GAS6: variants seen among roughly 807,000 people sequenced by gnomAD.
The protein encoded by GAS6 is growth arrest-specific protein 6.
Under a neutral mutation model 75.8 loss-of-function variants are expected in GAS6, and 41 were observed. The ratio of observed to expected loss-of-function variants is 0.54; its 90% confidence interval spans 0.42 to 0.70. The LOEUF (loss-of-function observed/expected upper bound fraction) is 0.70, where lower values mean the gene tolerates loss of function less well. GAS6 is among the 30% of genes least tolerant of loss of function. The probability of loss-of-function intolerance (pLI) is 0.00; values close to 1 mark genes in which losing one functional copy is unlikely to be tolerated. For missense variants in GAS6, 854 were observed against 940.2 expected (o/e 0.91, Z 1.20); for synonymous variants, 432 against 412.6 (o/e 1.05, Z -0.57).
intron 2 of GAS6, among the ~76,000 whole-genome samples, chr13:113,855,258 C>T (rs59945087): frequency 0.086 from 13,100 of 152,174 alleles, 730 homozygotes; most frequent in East Asian, 0.17. Flanking sequence ...TGTCAATCCC[C>T]CCAAGAAGAT....
At chr13:113,832,228 G>A (rs181644708) in intron 10 of GAS6, 71 bp downstream of exon 10, 1 of 1,502,504 alleles carries the variant, frequency 6.7e-7, no homozygotes, top group East Asian at 2.4e-5. Context: ...GGTTGCATAA[G>A]CGAGTGACAG....
intron 7 of GAS6, 150 bp from the exon 8 acceptor site, chr13:113,834,822 C>G (rs1289244296): frequency 1.2e-6 from 1 of 805,294 alleles, no homozygotes; most frequent in African/African-American, 1.8e-5. Flanking sequence ...GTCGCGTCCC[C>G]CCCCACTGGA....
rs1594204763 is a variant in GAS6 at position 113,844,093 on chromosome 13, C to A, written c.343+2434G>T. 7 of 150,926 alleles carry A rather than the reference C, an allele frequency of 4.6e-5. No individual in the cohort carries two copies. The South Asian group carries it at 1.2e-3, about 27-fold the overall frequency. The allele number at this position is 150,926 out of a possible 1,614,324, so 9.3% of individuals were successfully genotyped here. ...AGGAGAAGCTGAGAGCCCCAGGCCA[C>A]AGGCAGGGCAGCCTCTGAGGGCCGG... is the stretch of plus-strand genomic sequence containing the variant. On this transcript the variant is annotated intron_variant, in intron 4 of 14. Transcript: ENST00000327773. The surrounding 1 kb of genome is among the most constrained non-coding windows in gnomAD (Gnocchi z 5.7).
chr13:113,821,978 G>A lies in GAS6; in HGVS notation c.1862C>T (p.Thr621Ile), dbSNP rs1431983667. The A allele has an allele frequency of 1.3e-6, 2 of 1,541,142 alleles. No homozygotes were observed. The highest frequency in any genetic ancestry group is 1.7e-6 in the Non-Finnish European group (2 of 1,145,664). Residue 621 changes from threonine (T) to isoleucine (I), a missense_variant, in exon 14 of 15, where the codon ACC (threonine) becomes ATC (isoleucine). Transcript: ENST00000327773. ...CCTACCTGGCAGGCCGCCAGCAAAG[G>A]TGAGCACGGGGCTCCGCAGGTGCCT... ...LERHLRSPVLTFAGGLPDVPV... is the reference protein window; with the variant it reads ...LERHLRSPVLIFAGGLPDVPV...
intron 2 of GAS6, among the ~76,000 whole-genome samples, chr13:113,858,398 A>C (rs1481716013): frequency 2.7e-5 from 4 of 145,480 alleles, no homozygotes; most frequent in Admixed American, 1.3e-4. Context: ...AGTGTGTGTG[A>C]CTGTGTGTTT....
intron 2 of GAS6, among the ~76,000 whole-genome samples, chr13:113,851,313 A>G (rs1199650541): frequency 6.7e-6 from 1 of 149,668 alleles, no homozygotes; most frequent in Non-Finnish European, 1.5e-5. Flanking sequence ...GTGAGTGGCC[A>G]GATGAGTGAA....
intron 2 of GAS6, among the ~76,000 whole-genome samples, chr13:113,852,792 C>T (rs1419088346): frequency 6.6e-6 from 1 of 152,226 alleles, no homozygotes; most frequent in Non-Finnish European, 1.5e-5. Flanking sequence ...GGGGACCAGG[C>T]TGTAGCCTGG....
chr13:113,862,423 C>T (rs2051979150), intron 2 of GAS6, among the ~76,000 whole-genome samples: 1 of 152,230 alleles, frequency 6.6e-6, no homozygotes, highest in Non-Finnish European at 1.5e-5. Flanking sequence ...GCGACCAGGG[C>T]ACACAGGCCC....
rs143356452 is a variant in GAS6 at position 113,829,495 on chromosome 13, G to C, written c.1144-784C>G. ...ACCACATGATCCTCACCTGGGCCAA[G>C]AGGGACCTGACCCGGGGAGACCACC... On this transcript the variant is annotated intron_variant, in intron 10 of 14. Coordinates refer to ENST00000327773, the MANE Select transcript of GAS6 (RefSeq NM_000820.4). Among the ~76,000 whole-genome samples the C allele has an allele frequency of 2.4e-3, 347 of 141,926 alleles. 2 individuals are homozygous for C. Among genetic ancestry groups the C allele is most frequent in the African/African-American group, 8.7e-3 (325 of 37,376 alleles). 93.1% of individuals were successfully genotyped at this position (141,926 alleles called of 152,430 possible). A position where few individuals can be genotyped will look rare whatever the true frequency, so the allele number is the denominator to read the frequency against.
At position 113,826,696 on chromosome 13, in the gene GAS6, C is replaced by T. The variant is rs78001653; in HGVS notation, c.1477+300G>A. Among the ~76,000 whole-genome samples the T allele has an allele frequency of 1.1e-3, 151 of 134,972 alleles. 1 individual carries two copies. Among genetic ancestry groups the T allele is most frequent in the Non-Finnish European group, 1.3e-3 (84 of 63,440 alleles). The allele number at this position is 134,972 out of a possible 152,430, so 88.5% of individuals were successfully genotyped here. On this transcript the variant is annotated intron_variant, in intron 12 of 14. Transcript: ENST00000327773. Reference sequence around the variant, plus strand: ...CCTTCTCTCCCCCGCCTCCTGGCGCCGGCCTCGCAGGCACCTTCTCTCCCC... The same window carrying T: ...CCTTCTCTCCCCCGCCTCCTGGCGCTGGCCTCGCAGGCACCTTCTCTCCCC...
chr13:113,858,427 G>A (rs187146975), intron 2 of GAS6, among the ~76,000 whole-genome samples: 28 of 152,264 alleles, frequency 1.8e-4, no homozygotes, highest in Admixed American at 1.7e-3. Context: ...CTATGTGAAT[G>A]TGTGCATGTG....
chr13:113,842,159 ACCT>A (rs1566367709), intron 4 of GAS6: 17 of 126,472 alleles, frequency 1.3e-4, no homozygotes, highest in African/African-American at 7.3e-4. Flanking sequence ...TCCTCCATAC[ACCT>A]CAGTTTCCTC....
intron 8 of GAS6, among the ~76,000 whole-genome samples, chr13:113,834,312 G>A (rs2051672233): frequency 6.6e-6 from 1 of 152,198 alleles, no homozygotes; most frequent in Non-Finnish European, 1.5e-5. Context: ...GTGTCACACT[G>A]GGGTCCACAC....
intron 2 of GAS6, among the ~76,000 whole-genome samples, chr13:113,851,916 C>G (rs942089400): frequency 1.3e-5 from 2 of 152,152 alleles, no homozygotes; most frequent in African/African-American, 4.8e-5. Flanking sequence ...TCTGCCAAAC[C>G]CACTCTTCTA....
chr13:113,821,817 A>C (rs781366517), intron 14 of GAS6, 141 bp downstream of exon 14: 143 of 641,036 alleles, frequency 2.2e-4, no homozygotes, highest in Admixed American at 8.2e-4. Context: ...ACCCACCTGG[A>C]CTTCTCCTTC....
At chr13:113,835,439 C>A (rs1169073570) in intron 7 of GAS6, 74 bp downstream of exon 7, 2 of 1,556,404 alleles carry the variant, frequency 1.3e-6, no homozygotes, top group African/African-American at 1.4e-5. Flanking sequence ...TAGCAACCGG[C>A]TCGGGCAGTG....
intron 10 of GAS6, among the ~76,000 whole-genome samples, chr13:113,830,323 C>T (rs1452004071): frequency 1.3e-5 from 2 of 152,032 alleles, no homozygotes; most frequent in East Asian, 1.9e-4. Context: ...GTGCTGCGGC[C>T]GCTGTGAGTC....
chr13:113,859,561 T>C (rs928294930), intron 2 of GAS6, among the ~76,000 whole-genome samples: 1 of 152,154 alleles, frequency 6.6e-6, no homozygotes, highest in African/African-American at 2.4e-5. Context: ...TGTACGTATA[T>C]CTATGTGAAT....
At chr13:113,852,309 G>A (rs765341607) in intron 2 of GAS6, among the ~76,000 whole-genome samples, 11 of 152,304 alleles carry the variant, frequency 7.2e-5, no homozygotes, top group East Asian at 1.9e-4. Flanking sequence ...TGGGGGTTCC[G>A]GGGCTGGTCG....
Sources: allele counts gnomAD v4.1 joint callset (sites outside exome capture counted in the v4.1 genomes callset), GRCh38; gene constraint gnomAD v4.1.1; non-coding constraint Gnocchi (gnomAD v3.1); transcripts MANE v1.5; gene names NCBI Gene and HGNC (gene_info 2026-07-23, HGNC 2026-07-21).